The following RCAN2 variants were observed in gnomAD, a reference collection of about 807,000 sequenced individuals.
The protein encoded by RCAN2 is regulator of calcineurin 2.
In RCAN2, 9 loss-of-function variants were observed where a neutral mutation model predicts 23.6. The ratio of observed to expected loss-of-function variants is 0.38; its 90% confidence interval spans 0.23 to 0.67. RCAN2 has a LOEUF of 0.67. Ranked by LOEUF, RCAN2 falls within the 30% of genes least tolerant of loss-of-function variation. The pLI is 0.51. For synonymous variants in RCAN2, 109 were observed against 115.7 expected (o/e 0.94, Z 0.37); for missense variants, 273 against 302.3 (o/e 0.90, Z 0.72).
chr6:46,308,340 T>C (rs530824078), intron 2 of RCAN2, among the ~76,000 whole-genome samples: 1 of 152,316 alleles, frequency 6.6e-6, no homozygotes, highest in Non-Finnish European at 1.5e-5. Flanking sequence ...ACTTTTGACA[T>C]TTAATTATTG....
chr6:46,394,429 G>A (rs191732467), intron 2 of RCAN2, among the ~76,000 whole-genome samples: 2 of 151,970 alleles, frequency 1.3e-5, no homozygotes, highest in Non-Finnish European at 2.9e-5. Context: ...AAATGTGGCT[G>A]GGCATGCTAG....
At chr6:46,378,139 C>T (rs553084006) in intron 2 of RCAN2, among the ~76,000 whole-genome samples, 18 of 152,256 alleles carry the variant, frequency 1.2e-4, no homozygotes, top group African/African-American at 4.1e-4. Flanking sequence ...AATCGTGGTG[C>T]CAGTTCAGGG....
intron 2 of RCAN2, among the ~76,000 whole-genome samples, chr6:46,332,051 G>A (rs144200311): frequency 0.011 from 1,707 of 152,178 alleles, 30 homozygotes; most frequent in South Asian, 0.044. Context: ...TACAAATTAT[G>A]TCTTACAGTC....
chr6:46,283,778 CTT>C (rs1209257145), intron 2 of RCAN2, among the ~76,000 whole-genome samples: 1 of 152,196 alleles, frequency 6.6e-6, no homozygotes, highest in Non-Finnish European at 1.5e-5. Flanking sequence ...TAAAATAACT[CTT>C]TACTACTGCA....
At chr6:46,283,129 C>A (rs1762259599) in intron 2 of RCAN2, among the ~76,000 whole-genome samples, 1 of 152,036 alleles carries the variant, frequency 6.6e-6, no homozygotes, top group South Asian at 2.1e-4. Flanking sequence ...ACTGCAGGGC[C>A]CCTGGGTAAA....
At chr6:46,274,102 C>T (rs1767610820) in intron 2 of RCAN2, among the ~76,000 whole-genome samples, 1 of 152,208 alleles carries the variant, frequency 6.6e-6, no homozygotes, top group African/African-American at 2.4e-5. Context: ...AGCATTTTGG[C>T]TGCCTTCCTG....
chr6:46,463,028 T>G lies in RCAN2; in HGVS notation c.-2-6050A>C, dbSNP rs116196387. On this transcript the variant is annotated intron_variant, in intron 1 of 4. Coordinates refer to ENST00000371374, the MANE Select transcript of RCAN2 (RefSeq NM_001251974.2). ...GAAAGATGGTAAACATTCATGGAGA[T>G]GCTTATAATAGTTTTACCATCAAGT... Among the ~76,000 whole-genome samples, 575 of 152,300 alleles carry G rather than the reference T, an allele frequency of 3.8e-3. 5 individuals carry two copies. The highest frequency in any genetic ancestry group is 0.013 in the African/African-American group (555 of 41,556).
chr6:46,296,131 G>A (rs1056986766), intron 2 of RCAN2, among the ~76,000 whole-genome samples: 1 of 150,724 alleles, frequency 6.6e-6, no homozygotes, highest in Non-Finnish European at 1.5e-5. Flanking sequence ...TCTTTGGCCT[G>A]CCATGTTGAT....
chr6:46,476,347 A>AT (rs2150444496), intron 1 of RCAN2, among the ~76,000 whole-genome samples: 1 of 152,272 alleles, frequency 6.6e-6, no homozygotes, highest in Non-Finnish European at 1.5e-5. Flanking sequence ...AGGTAGCATT[A>AT]TTTTTATGGT....
rs189511473 is a variant in RCAN2, at chr6:46,343,050, A to C, written c.226-94154T>G. On this transcript the variant is annotated intron_variant, in intron 2 of 4. Coordinates refer to ENST00000371374, the MANE Select transcript of RCAN2 (RefSeq NM_001251974.2). ...AATCGATTAAAGATATTAATGCATA[A>C]ATCCAGAAAACTCATCAAACTTCAT... Among the ~76,000 whole-genome samples the C allele has an allele frequency of 2.1e-3, 314 of 152,252 alleles. 2 individuals are homozygous for C. The highest frequency in any genetic ancestry group is 7.1e-3 in the African/African-American group (295 of 41,570).
At chr6:46,439,003 A>G (rs1767451276) in intron 2 of RCAN2, among the ~76,000 whole-genome samples, 1 of 152,236 alleles carries the variant, frequency 6.6e-6, no homozygotes, top group South Asian at 2.1e-4. Flanking sequence ...TCTTAGGTAT[A>G]TCTTAGAATA....
At chr6:46,327,333 C>T (rs757264807) in intron 2 of RCAN2, among the ~76,000 whole-genome samples, 2 of 151,246 alleles carry the variant, frequency 1.3e-5, no homozygotes, top group East Asian at 1.9e-4. Flanking sequence ...CCTTGAAATA[C>T]GGGAAAGATA....
intron 2 of RCAN2, among the ~76,000 whole-genome samples, chr6:46,289,876 T>G (rs532564922): frequency 1.3e-5 from 2 of 152,166 alleles, no homozygotes; most frequent in Admixed American, 6.5e-5. Flanking sequence ...GGTATTACCA[T>G]AGTACTAAGT....
At chr6:46,344,471 T>C (rs1175984112) in intron 2 of RCAN2, among the ~76,000 whole-genome samples, 1 of 147,634 alleles carries the variant, frequency 6.8e-6, no homozygotes, top group Non-Finnish European at 1.5e-5. Context: ...TTAAAAATTA[T>C]TAAAAATACT....
intron 2 of RCAN2, among the ~76,000 whole-genome samples, chr6:46,353,620 G>A (rs979389183): frequency 3.3e-5 from 5 of 152,142 alleles, no homozygotes; most frequent in East Asian, 3.9e-4. Flanking sequence ...AGTTAATACC[G>A]GAGAGTAGAC....
intron 2 of RCAN2, among the ~76,000 whole-genome samples, chr6:46,423,575 A>G (rs554583069): frequency 3.3e-5 from 5 of 152,190 alleles, no homozygotes; most frequent in Non-Finnish European, 5.9e-5. Context: ...TCAGGGTTTC[A>G]CCTTCGATAG....
intron 2 of RCAN2, among the ~76,000 whole-genome samples, chr6:46,259,701 T>G (rs1644104887): frequency 6.6e-6 from 1 of 152,162 alleles, no homozygotes; most frequent in African/African-American, 2.4e-5. Flanking sequence ...GGCTCAGTAC[T>G]CCAAGACTGC....
intron 2 of RCAN2, among the ~76,000 whole-genome samples, chr6:46,416,765 G>A (rs766472384): frequency 1.3e-4 from 20 of 152,064 alleles, no homozygotes; most frequent in Non-Finnish European, 2.2e-4. Flanking sequence ...CAAGCGATCC[G>A]CCCACCTTGG....
At chr6:46,464,109 A>G (rs1768305398) in intron 1 of RCAN2, among the ~76,000 whole-genome samples, 1 of 152,240 alleles carries the variant, frequency 6.6e-6, no homozygotes, top group Non-Finnish European at 1.5e-5. Context: ...CAAGAACTTA[A>G]ATATAACAAT....
Sources: gnomAD v4.1 joint callset for allele counts (sites outside exome capture counted in the v4.1 genomes callset) on GRCh38, gnomAD v4.1.1 for gene constraint, MANE v1.5 for transcripts, NCBI Gene and HGNC (gene_info 2026-07-23, HGNC 2026-07-21) for gene names.